LRPPRC: variants seen among roughly 807,000 people sequenced by gnomAD.
LRPPRC encodes the protein leucine-rich PPR motif-containing protein, mitochondrial.
In LRPPRC, 120 loss-of-function variants were observed where a neutral mutation model predicts 180.3. That is an observed-to-expected ratio of 0.67 (90% CI 0.57 to 0.77). LRPPRC has a LOEUF of 0.77. Ranked by LOEUF, LRPPRC falls within the 30% of genes least tolerant of loss-of-function variation. The pLI, the probability that LRPPRC is intolerant of heterozygous loss-of-function variation, is 0.00. For synonymous variants in LRPPRC, 723 were observed against 600.0 expected (o/e 1.21, Z -3.00); for missense variants, 2,012 against 1,657.2 (o/e 1.21, Z -3.72).
At chr2:43,896,038 T>A (rs1440782826) in intron 35 of LRPPRC, among the ~76,000 whole-genome samples, 1 of 152,048 alleles carries the variant, frequency 6.6e-6, no homozygotes, top group Non-Finnish European at 1.5e-5. Context: ...CCATATCAAT[T>A]TGAAAGCCAA....
chr2:43,886,829 G>GCAAT lies in LRPPRC; in HGVS notation c.*1767_*1770dup. 6.6e-6 allele frequency: 1 copy of GCAAT among 152,324 alleles called. No homozygotes were observed. Among genetic ancestry groups the GCAAT allele is most frequent in the Middle Eastern group, 3.4e-3 (1 of 294 alleles). 9.4% of individuals were successfully genotyped at this position (152,324 alleles called of 1,614,324 possible). ...GCAAAAAAATGAGGCCTGCTTCAGTGCAATCACTAAAGACAGGAGTGAGGC... is the reference window on the plus strand; with the variant it reads ...GCAAAAAAATGAGGCCTGCTTCAGTGCAATCAATCACTAAAGACAGGAGTGAGGC... On this transcript the variant is annotated 3_prime_UTR_variant, in exon 38 of 38. Transcript: ENST00000260665.
At chr2:43,994,429 A>C (rs1674927656) in intron 1 of LRPPRC, among the ~76,000 whole-genome samples, 1 of 152,254 alleles carries the variant, frequency 6.6e-6, no homozygotes, top group Admixed American at 6.5e-5. Context: ...CTTACTAGGC[A>C]TCAGGCCCTA....
chr2:43,934,090 T>A, intron 25 of LRPPRC, 100 bp downstream of exon 25: 1 of 719,560 alleles, frequency 1.4e-6, no homozygotes, highest in South Asian at 1.6e-5. Context: ...TCTATTAACA[T>A]GAATCAGAAC....
intron 22 of LRPPRC, among the ~76,000 whole-genome samples, 161 bp downstream of exon 22, chr2:43,945,171 G>A (rs1263415371): frequency 6.6e-6 from 1 of 152,088 alleles, no homozygotes; most frequent in Non-Finnish European, 1.5e-5. Flanking sequence ...TAAAACTAAT[G>A]GCCTACACTG....
Position 43,935,026 on chromosome 2 carries a change from G to A in LRPPRC, c.2505-148C>T, listed in dbSNP as rs191870186. 1,105 of 594,208 alleles carry A rather than the reference G, an allele frequency of 1.9e-3. 1 individual carries two copies. The highest frequency in any genetic ancestry group is 2.7e-3 in the Non-Finnish European group (907 of 340,262). The allele number at this position is 594,208 out of a possible 1,614,324, so 36.8% of individuals were successfully genotyped here. A position where few individuals can be genotyped will look rare whatever the true frequency, so the allele number is the denominator to read the frequency against. On this transcript the variant is annotated intron_variant, in intron 23 of 37. Coordinates refer to ENST00000260665, the MANE Select transcript of LRPPRC (RefSeq NM_133259.4). ...AGAAAACCACAAAGCTAAAATGGGG[G>A]AAAAAAAGAAACAATCTTTATATAT...
At chr2:43,926,869 C>T (rs1323952453) in intron 25 of LRPPRC, among the ~76,000 whole-genome samples, 1 of 152,142 alleles carries the variant, frequency 6.6e-6, no homozygotes, top group Non-Finnish European at 1.5e-5. Context: ...TGCCTAGCAC[C>T]TAAAACTAAA....
intron 16 of LRPPRC, among the ~76,000 whole-genome samples, chr2:43,948,972 G>T (rs111798570): frequency 3.9e-4 from 60 of 152,102 alleles, no homozygotes; most frequent in African/African-American, 1.4e-3. Context: ...ATTTTAATAA[G>T]CAGATACAGT....
intron 25 of LRPPRC, among the ~76,000 whole-genome samples, chr2:43,930,253 G>T (rs1672039263): frequency 6.6e-6 from 1 of 151,500 alleles, no homozygotes; most frequent in Non-Finnish European, 1.5e-5. Context: ...GAAAAGTCAA[G>T]AAAGAGGAAT....
rs1354624989 is a variant in LRPPRC, at chr2:43,973,791, G to A, written c.1261+4C>T. ...ACTTGGCTTTAACTTTAAGAATGTA[G>A]TACCAGTTTTATTGGCGAGTAAAGC... On this transcript the variant is annotated splice_donor_region_variant and intron_variant, in intron 10 of 37. Transcript: ENST00000260665. 6.2e-7 allele frequency: 1 copy of A among 1,609,726 alleles called. No individual in the cohort carries two copies. The highest frequency in any genetic ancestry group is 8.5e-7 in the Non-Finnish European group (1 of 1,175,986).
chr2:43,927,999 T>C (rs772840802), intron 25 of LRPPRC, among the ~76,000 whole-genome samples: 3 of 143,978 alleles, frequency 2.1e-5, no homozygotes, highest in Non-Finnish European at 4.5e-5. Flanking sequence ...AATAGAATTC[T>C]AATTGGGATG....
intron 13 of LRPPRC, among the ~76,000 whole-genome samples, chr2:43,957,899 A>T (rs560376603): frequency 6.6e-6 from 1 of 152,214 alleles, no homozygotes; most frequent in Non-Finnish European, 1.5e-5. Context: ...AACCATTCAT[A>T]CTTTCTCATT....
chr2:43,930,365 A>G (rs931936517), intron 25 of LRPPRC, among the ~76,000 whole-genome samples: 6 of 152,178 alleles, frequency 3.9e-5, no homozygotes, highest in Non-Finnish European at 7.4e-5. Context: ...ACAGAAACTC[A>G]GGGCCTGGTT....
intron 30 of LRPPRC, among the ~76,000 whole-genome samples, chr2:43,911,802 C>T (rs566473470): frequency 9.3e-4 from 142 of 152,116 alleles, no homozygotes; most frequent in Non-Finnish European, 1.5e-3. Flanking sequence ...TGTGGGATTA[C>T]GGGCATGAGC....
intron 13 of LRPPRC, among the ~76,000 whole-genome samples, chr2:43,958,734 C>T (rs1436270452): frequency 6.6e-6 from 1 of 152,150 alleles, no homozygotes; most frequent in Admixed American, 6.5e-5. Context: ...AATCCATTTA[C>T]TGTTCTCTAC....
intron 29 of LRPPRC, 104 bp downstream of exon 29, chr2:43,917,921 A>G (rs1365467470): frequency 4.0e-6 from 3 of 754,504 alleles, no homozygotes; most frequent in African/African-American, 1.8e-5. Context: ...TTTAAGTCCT[A>G]TCTCTATCCT....
intron 1 of LRPPRC, among the ~76,000 whole-genome samples, chr2:43,995,237 A>T (rs1267838372): frequency 3.3e-5 from 5 of 152,108 alleles, no homozygotes; most frequent in African/African-American, 1.2e-4. Flanking sequence ...CACCTTCTTA[A>T]ATGCTGAAGG....
At position 43,919,599 on chromosome 2, in the gene LRPPRC, C is replaced by G. The variant is rs77013145; in HGVS notation, c.2897-1201G>C. 6.0e-4 allele frequency among the ~76,000 whole-genome samples: 92 copies of G among 152,210 alleles called. 1 individual carries two copies. The East Asian group carries it at 0.015, about 24-fold the overall frequency. On this transcript the variant is annotated intron_variant, in intron 27 of 37. Coordinates refer to ENST00000260665, the MANE Select transcript of LRPPRC (RefSeq NM_133259.4). The stretch of plus-strand genomic sequence containing the variant: ...AGCCCATTTCCTTTCATGTGGTAAT[C>G]TAGTCTTTACAAATAGCAAAAACTC...
At chr2:43,908,224 T>TA (rs1376930283) in intron 30 of LRPPRC, among the ~76,000 whole-genome samples, 1 of 152,222 alleles carries the variant, frequency 6.6e-6, no homozygotes, top group Non-Finnish European at 1.5e-5. Context: ...GGTTTAATGT[T>TA]AGCAGAGATT....
At chr2:43,979,137 C>G (rs1674189171) in intron 3 of LRPPRC, among the ~76,000 whole-genome samples, 1 of 149,792 alleles carries the variant, frequency 6.7e-6, no homozygotes, top group Non-Finnish European at 1.5e-5. Context: ...TGAATACGTA[C>G]TATGTTACAT....
Sources: allele counts gnomAD v4.1 joint callset (sites outside exome capture counted in the v4.1 genomes callset), GRCh38; gene constraint gnomAD v4.1.1; transcripts MANE v1.5; gene names NCBI Gene and HGNC (gene_info 2026-07-23, HGNC 2026-07-21).